Variants in ANAPC1 observed in about 807,000 individuals in gnomAD.
ANAPC1 encodes the protein anaphase-promoting complex subunit 1.
In ANAPC1, 36 loss-of-function variants were observed where a neutral mutation model predicts 208.0. That is an observed-to-expected ratio of 0.17 (90% CI 0.13 to 0.23). The LOEUF (loss-of-function observed/expected upper bound fraction) is 0.23. Among genes scored for constraint, ANAPC1 ranks in the 10% least tolerant of loss-of-function variants. The pLI is 1.00. For synonymous variants in ANAPC1, 378 were observed against 695.2 expected, an observed-to-expected ratio of 0.54 and a Z score of 7.18; for missense variants, 942 against 2,011.6, an observed-to-expected ratio of 0.47 and a Z score of 10.17.
At chr2:111,799,198 A>T (rs1678317309) in intron 34 of ANAPC1, among the ~76,000 whole-genome samples, 1 of 152,256 alleles carries the variant, frequency 6.6e-6, no homozygotes. Flanking sequence ...CCAATGAAAA[A>T]GTTCTCAACA....
Position 111,776,904 on chromosome 2 carries a change from C to G in ANAPC1, c.5539G>C (p.Val1847Leu). 2.0e-6 allele frequency: 1 copy of G among 493,066 alleles called. No homozygotes were observed. Among genetic ancestry groups the G allele is most frequent in the Non-Finnish European group, 3.4e-6 (1 of 290,000 alleles). 30.5% of individuals were successfully genotyped at this position (493,066 alleles called of 1,614,324 possible). A position where few individuals can be genotyped will look rare whatever the true frequency, so the allele number is the denominator to read the frequency against. The stretch of plus-strand genomic sequence containing the variant: ...GTATTATCAATGGTGCACTTCACAA[C>G]AGGGAGGAATTCCGAGTTCATAAAG... ...GLFMNSEFLPVVKCTIDNTLD... is the reference protein window; with the variant it reads ...GLFMNSEFLPLVKCTIDNTLD... Residue 1847 changes from valine (V) to leucine (L), a missense_variant, in exon 46 of 48, where the codon GTT becomes CTT. Coordinates refer to ENST00000341068, the MANE Select transcript of ANAPC1 (RefSeq NM_022662.4).
At chr2:111,832,340 A>T (rs1680191231) in intron 20 of ANAPC1, among the ~76,000 whole-genome samples, 1 of 151,922 alleles carries the variant, frequency 6.6e-6, no homozygotes, top group Non-Finnish European at 1.5e-5. Flanking sequence ...ATCTAATCAA[A>T]AATCTTGCCC....
At chr2:111,882,709 C>G (rs1171325615) in intron 1 of ANAPC1, among the ~76,000 whole-genome samples, 3 of 150,996 alleles carry the variant, frequency 2.0e-5, no homozygotes, top group Non-Finnish European at 2.9e-5. Context: ...TGTACTCCAG[C>G]CTGGGGGACA....
In ANAPC1 at chr2:111,878,448, C is replaced by T. The variant is rs997294984; in HGVS notation, c.375+362G>A. On this transcript the variant is annotated intron_variant, in intron 3 of 47. Coordinates refer to ENST00000341068, the MANE Select transcript of ANAPC1 (RefSeq NM_022662.4). ...TTTCTCTCTACCATTATGAATCCCA[C>T]GATTTTTATTTATTCAAATCTTTGC... 4.6e-4 allele frequency among the ~76,000 whole-genome samples: 70 copies of T among 152,258 alleles called. 1 individual carries two copies. Among genetic ancestry groups the T allele is most frequent in the African/African-American group, 1.5e-3 (61 of 41,566 alleles).
intron 47 of ANAPC1, among the ~76,000 whole-genome samples, chr2:111,769,983 C>T (rs1218467874): frequency 4.6e-5 from 7 of 151,416 alleles, no homozygotes; most frequent in African/African-American, 1.5e-4. Context: ...CGCCCAGCCT[C>T]GGCTGAGCAT....
At chr2:111,767,237 T>C (rs1676494566), downstream of ANAPC1, among the ~76,000 whole-genome samples, 1 of 151,076 alleles carries the variant, frequency 6.6e-6, no homozygotes, top group Non-Finnish European at 1.5e-5. Flanking sequence ...GGTAGAGCAG[T>C]GTGACTACTT....
In ANAPC1 at chr2:111,821,271, A is replaced by G. The variant is rs201336965; in HGVS notation, c.3174T>C (p.Ser1058=). ...RVNVVQYPEL[S]DHEFIEEKEN... ...CCTTTTCCTCGATGAACTCGTGGTC[A>G]CTGAGCTCTGGGTACTGCACTACGT... Residue 1058 remains serine, a synonymous_variant, in exon 26 of 48, where the codon AGT becomes AGC. Coordinates refer to ENST00000341068, the MANE Select transcript of ANAPC1 (RefSeq NM_022662.4). 289 of 1,612,142 alleles carry G rather than the reference A, an allele frequency of 1.8e-4. 1 individual carries two copies. Among genetic ancestry groups the G allele is most frequent in the Non-Finnish European group, 2.2e-4 (264 of 1,179,836 alleles).
chr2:111,833,681 T>TAAAAAAAAAAAGA (rs1680308537), intron 19 of ANAPC1, among the ~76,000 whole-genome samples: 1 of 86,000 alleles, frequency 1.2e-5, no homozygotes. Flanking sequence ...ATAAAATATG[T>TAAAAAAAAAAAGA]AAAAAAAAAA....
intron 13 of ANAPC1, among the ~76,000 whole-genome samples, chr2:111,854,420 G>T (rs1047049830): frequency 6.6e-6 from 1 of 152,020 alleles, no homozygotes; most frequent in Non-Finnish European, 1.5e-5. Context: ...AATGAGCACG[G>T]GCTTCAACTT....
At chr2:111,872,569 A>G in intron 6 of ANAPC1, 61 bp downstream of exon 6, 8 of 1,418,478 alleles carry the variant, frequency 5.6e-6, no homozygotes, top group Non-Finnish European at 6.9e-6. Flanking sequence ...GATAAACCTC[A>G]GAACCAACAC....
chr2:111,882,502 C>T (rs1237346976), intron 1 of ANAPC1, among the ~76,000 whole-genome samples: 4 of 149,778 alleles, frequency 2.7e-5, no homozygotes, highest in South Asian at 2.1e-4. Context: ...GGCTGAGGCG[C>T]GAGGATCACC....
chr2:111,870,849 T>C (rs571828106), intron 6 of ANAPC1, among the ~76,000 whole-genome samples: 49 of 152,312 alleles, frequency 3.2e-4, no homozygotes, highest in African/African-American at 1.1e-3. Flanking sequence ...TTCATCCCTC[T>C]TGAACTGACT....
chr2:111,810,361 T>C (rs1415589446), intron 28 of ANAPC1, among the ~76,000 whole-genome samples: 1 of 151,824 alleles, frequency 6.6e-6, no homozygotes, highest in Non-Finnish European at 1.5e-5. Context: ...GGTTCCTTTA[T>C]GGGGTGAAAA....
chr2:111,837,378 T>C (rs184359308), intron 18 of ANAPC1, among the ~76,000 whole-genome samples: 1 of 152,082 alleles, frequency 6.6e-6, no homozygotes, highest in Admixed American at 6.5e-5. Context: ...TCCCAGAACT[T>C]TGGGAGGCCG....
At chr2:111,850,333 C>T (rs184342752) in intron 14 of ANAPC1, among the ~76,000 whole-genome samples, 31 of 152,110 alleles carry the variant, frequency 2.0e-4, no homozygotes, top group African/African-American at 7.5e-4. Flanking sequence ...CTACAGATAT[C>T]CTACTCAACC....
chr2:111,876,298 A>G (rs113985607), intron 3 of ANAPC1, among the ~76,000 whole-genome samples: 5,218 of 152,290 alleles, frequency 0.034, 318 homozygotes, highest in African/African-American at 0.12. Flanking sequence ...GGATAGGTAA[A>G]ACAATGAACA....
chr2:111,872,709 C>T lies in ANAPC1; in HGVS notation c.532G>A (p.Ala178Thr). ...DYIASLPFQV[A>T]NVWPTKYGLL... ...CCATATTTAGTGGGCCAAACATTTG[C>T]AACCTTTCAGGTAAAAGGGTGGGAA... Residue 178 changes from alanine to threonine, a missense_variant, in exon 6 of 48, where the codon GCA (alanine) becomes ACA (threonine). Transcript: ENST00000341068. 3 of 1,612,138 alleles carry T rather than the reference C, an allele frequency of 1.9e-6. No homozygotes were observed. Among genetic ancestry groups the T allele is most frequent in the Non-Finnish European group, 2.5e-6 (3 of 1,178,354 alleles).
intron 45 of ANAPC1, 119 bp from the exon 46 acceptor site, chr2:111,777,176 T>A: frequency 1.5e-6 from 1 of 649,506 alleles, no homozygotes; most frequent in Non-Finnish European, 2.8e-6. Context: ...CGGGGGGTGG[T>A]CCATTCTGTG....
Position 111,838,501 on chromosome 2 carries a change from T to C in ANAPC1, c.2052A>G (p.Glu684=), listed in dbSNP as rs148337604. 3.1e-5 allele frequency: 50 copies of C among 1,604,638 alleles called. No individual in the cohort carries two copies. The Middle Eastern group carries it at 9.1e-4, about 29-fold the overall frequency. The part of the protein sequence containing the change: ...RLAWTRNFDF[E]GSLSPVIAPK... ...GCGCAATGACAGGAGAAAGTGATCC[T>C]TCAAAGTCAAACTGAAAAGTAACCC... is the stretch of plus-strand genomic sequence containing the variant. The change falls in exon 18 of 48, where the codon GAA becomes GAG. Residue 684 remains glutamate (E), a synonymous_variant. Coordinates refer to ENST00000341068, the MANE Select transcript of ANAPC1 (RefSeq NM_022662.4).
Sources: gnomAD v4.1 joint callset for allele counts (sites outside exome capture counted in the v4.1 genomes callset) on GRCh38, gnomAD v4.1.1 for gene constraint, MANE v1.5 for transcripts, NCBI Gene and HGNC (gene_info 2026-07-23, HGNC 2026-07-21) for gene names.